The following NPAS2 variants were observed in gnomAD, a reference collection of about 807,000 sequenced individuals.
NPAS2 encodes the protein neuronal PAS domain protein 2.
In NPAS2, 23 loss-of-function variants were observed where a neutral mutation model predicts 107.5. The observed-to-expected ratio is 0.21, with a 90% confidence interval of 0.15 to 0.30. The LOEUF is 0.30. NPAS2 is among the 10% of genes least tolerant of loss of function. The pLI, the probability that NPAS2 is intolerant of heterozygous loss-of-function variation, is 1.00. For missense variants in NPAS2, 756 were observed against 1,043.3 expected (o/e 0.72, Z 3.79); for synonymous variants, 403 against 417.5 (o/e 0.97, Z 0.42).
At chr2:100,870,651 C>A (rs1437276638) in intron 1 of NPAS2, among the ~76,000 whole-genome samples, 1 of 152,200 alleles carries the variant, frequency 6.6e-6, no homozygotes, top group Non-Finnish European at 1.5e-5. Context: ...CTTGGCCTCC[C>A]AAAGTACTGG....
rs190274276 is a variant in NPAS2 at position 100,965,393 on chromosome 2, T to G, written c.801-267T>G. ...GTGTTGGGCTGATCCAATTTGTAGCTGTTTTTAATTACCCAGTAGTGATAA... is the reference window on the plus strand; with the variant it reads ...GTGTTGGGCTGATCCAATTTGTAGCGGTTTTTAATTACCCAGTAGTGATAA... On this transcript the variant is annotated intron_variant, in intron 9 of 20. Transcript: ENST00000335681. This position sits in a 1 kb window ranked among gnomAD's most constrained non-coding sequence, Gnocchi z 4.3. Among the ~76,000 whole-genome samples the G allele has an allele frequency of 1.3e-5, 2 of 152,336 alleles. No individual in the cohort carries two copies.
Position 100,824,870 on chromosome 2 carries a change from G to T in NPAS2, c.-23+4456G>T, listed in dbSNP as rs574633522. On this transcript the variant is annotated intron_variant, in intron 1 of 20. Coordinates refer to ENST00000335681, the MANE Select transcript of NPAS2 (RefSeq NM_002518.4). The stretch of plus-strand genomic sequence containing the variant: ...TTGAAAACCAAGTTCTAAGAGAATG[G>T]CAATGGCAGTTTGATGTTTAGGGGG... 4.7e-4 allele frequency among the ~76,000 whole-genome samples: 72 copies of T among 152,278 alleles called. No homozygotes were observed. The South Asian group carries it at 7.5e-3, about 16-fold the overall frequency.
At chr2:100,860,850 A>G (rs1222419504) in intron 1 of NPAS2, among the ~76,000 whole-genome samples, 1 of 151,594 alleles carries the variant, frequency 6.6e-6, no homozygotes, top group Non-Finnish European at 1.5e-5. Context: ...CACTGGACTT[A>G]GCATGGTTTT....
intron 1 of NPAS2, among the ~76,000 whole-genome samples, chr2:100,879,608 T>A (rs1031992191): frequency 6.6e-6 from 1 of 152,208 alleles, no homozygotes; most frequent in African/African-American, 2.4e-5. Flanking sequence ...TTTCTGTGTC[T>A]GACTTACTTT....
chr2:100,821,135 G>C (rs1430602680), intron 1 of NPAS2: 2 of 1,304,766 alleles, frequency 1.5e-6, no homozygotes, highest in Admixed American at 4.6e-5. Context: ...GGAAGGGACA[G>C]GCACCACCCG....
intron 7 of NPAS2, among the ~76,000 whole-genome samples, chr2:100,952,706 A>G (rs1016168870): frequency 6.6e-6 from 1 of 151,808 alleles, no homozygotes; most frequent in African/African-American, 2.4e-5. Flanking sequence ...GTCATTTACC[A>G]CATCTTGGAG....
At chr2:100,874,290 G>GT (rs1318214402) in intron 1 of NPAS2, among the ~76,000 whole-genome samples, 1 of 152,164 alleles carries the variant, frequency 6.6e-6, no homozygotes, top group Non-Finnish European at 1.5e-5. Context: ...GTAGAGGAAA[G>GT]TAATGGAGTA....
chr2:100,887,752 A>T (rs989320669), intron 1 of NPAS2, among the ~76,000 whole-genome samples: 4 of 149,394 alleles, frequency 2.7e-5, no homozygotes, highest in Non-Finnish European at 5.9e-5. Context: ...CCTGTCTGCC[A>T]TCCACAGGCT....
chr2:100,902,542 G>T (rs1681852680), intron 1 of NPAS2, among the ~76,000 whole-genome samples: 1 of 152,222 alleles, frequency 6.6e-6, no homozygotes, highest in Admixed American at 6.5e-5. Flanking sequence ...AAGGGCAGTT[G>T]CGAAGCCTGG....
intron 1 of NPAS2, among the ~76,000 whole-genome samples, chr2:100,862,416 C>T (rs1573490775): frequency 6.6e-6 from 1 of 152,116 alleles, no homozygotes; most frequent in Admixed American, 6.5e-5. Context: ...TTAACTTCTG[C>T]TTTTGTCTGA....
chr2:100,976,026 A>G lies in NPAS2; in HGVS notation c.1392+459A>G, dbSNP rs921408750. Among the ~76,000 whole-genome samples, 2 of 152,186 alleles carry G rather than the reference A, an allele frequency of 1.3e-5. No homozygotes were observed. The highest frequency in any genetic ancestry group is 2.9e-5 in the Non-Finnish European group (2 of 68,036). Reference sequence around the variant, plus strand: ...CATCGGGATGTATGGCCCTGGCTATATGTAAAGTCACTGGCATGCACCACT... The same window carrying G: ...CATCGGGATGTATGGCCCTGGCTATGTGTAAAGTCACTGGCATGCACCACT... On this transcript the variant is annotated intron_variant, in intron 14 of 20. Coordinates refer to ENST00000335681, the MANE Select transcript of NPAS2 (RefSeq NM_002518.4). The surrounding 1 kb of genome is among the most constrained non-coding windows in gnomAD (Gnocchi z 4.1).
At chr2:100,905,375 C>T (rs557629605) in intron 2 of NPAS2, among the ~76,000 whole-genome samples, 15 of 151,852 alleles carry the variant, frequency 9.9e-5, no homozygotes, top group African/African-American at 3.6e-4. Context: ...GCCCTGATAA[C>T]CTGTCTATGT....
At chr2:100,960,836 G>A (rs1019518410) in intron 7 of NPAS2, among the ~76,000 whole-genome samples, 3 of 152,120 alleles carry the variant, frequency 2.0e-5, no homozygotes, top group Non-Finnish European at 2.9e-5. Context: ...GAGATGAGCC[G>A]GGCCATCTCA....
At chr2:100,973,944 C>T (rs1305191262) in intron 12 of NPAS2, among the ~76,000 whole-genome samples, 2 of 152,214 alleles carry the variant, frequency 1.3e-5, no homozygotes, top group South Asian at 2.1e-4. Context: ...GAAGTTCAAA[C>T]CATTCTCCTG....
intron 5 of NPAS2, among the ~76,000 whole-genome samples, chr2:100,942,115 C>T (rs1674611443): frequency 6.6e-6 from 1 of 152,126 alleles, no homozygotes; most frequent in Admixed American, 6.5e-5. Context: ...AAACAAGGCA[C>T]AAGTGTTCAT....
chr2:100,849,663 A>G (rs575199081), intron 1 of NPAS2, among the ~76,000 whole-genome samples: 1 of 152,332 alleles, frequency 6.6e-6, no homozygotes, highest in East Asian at 1.9e-4. Context: ...GAATTGTTAC[A>G]TTCTTTACTT....
rs754045659 is a variant in NPAS2, at chr2:100,948,301, A to G, written c.430A>G (p.Ile144Val). ...PEQEHSEVYKILSSHMLVTDS... is the reference protein window; with the variant it reads ...PEQEHSEVYKVLSSHMLVTDS... ...ACAAGAACATTCAGAAGTTTATAAA[A>G]TCCTTTCTTCCCATATGCTTGTGAC... Residue 144 changes from isoleucine (I) to valine (V), a missense_variant, in exon 6 of 21, where the codon ATC becomes GTC. Physicochemically the swap from Ile to Val is conservative, Grantham distance 29 (BLOSUM62 3). Transcript: ENST00000335681. 1.9e-6 allele frequency: 3 copies of G among 1,613,308 alleles called. No homozygotes were observed. The Admixed American group carries it at 5.0e-5, about 27-fold the overall frequency.
At chr2:100,950,034 G>A (rs2105055972) in intron 7 of NPAS2, among the ~76,000 whole-genome samples, 1 of 152,330 alleles carries the variant, frequency 6.6e-6, no homozygotes, top group Non-Finnish European at 1.5e-5. Context: ...AAAGTACCCG[G>A]TTACCTGATT....
chr2:100,891,470 C>T (rs571650148), intron 1 of NPAS2, among the ~76,000 whole-genome samples: 3 of 152,138 alleles, frequency 2.0e-5, no homozygotes, highest in East Asian at 1.9e-4. Context: ...CATTTCTGAC[C>T]GCTGTGCTGT....
Sources: gnomAD v4.1 joint callset for allele counts (sites outside exome capture counted in the v4.1 genomes callset) on GRCh38, gnomAD v4.1.1 for gene constraint, Gnocchi (gnomAD v3.1) non-coding constraint, MANE v1.5 for transcripts, NCBI Gene and HGNC (gene_info 2026-07-23, HGNC 2026-07-21) for gene names.